Variants in MACROD2 observed in about 807,000 individuals in gnomAD.
MACROD2 encodes the protein mono-ADP ribosylhydrolase 2, also known as ADP-ribose glycohydrolase MACROD2.
Under a neutral mutation model 70.4 loss-of-function variants are expected in MACROD2, and 36 were observed. The ratio of observed to expected loss-of-function variants is 0.51; its 90% CI spans 0.39 to 0.68. The LOEUF is 0.68. Among genes scored for constraint, MACROD2 ranks in the 30% least tolerant of loss-of-function variants. The probability of loss-of-function intolerance (pLI) is 0.00; values close to 1 mark genes in which losing one functional copy is unlikely to be tolerated. For missense variants in MACROD2, 496 were observed against 538.4 expected, an observed-to-expected ratio of 0.92 and a Z score of 0.78; for synonymous variants, 172 against 178.8, an observed-to-expected ratio of 0.96 and a Z score of 0.30.
At chr20:14,218,841 G>T (rs1458694598) in intron 3 of MACROD2, among the ~76,000 whole-genome samples, 1 of 152,172 alleles carries the variant, frequency 6.6e-6, no homozygotes, top group African/African-American at 2.4e-5. Context: ...TGTTTTGTTT[G>T]AGGAGGCTGA....
At chr20:14,049,158 C>T (rs1456532643) in intron 2 of MACROD2, among the ~76,000 whole-genome samples, 1 of 112,806 alleles carries the variant, frequency 8.9e-6, no homozygotes, top group African/African-American at 3.2e-5. Flanking sequence ...TTTGACAGAA[C>T]TAAAAATATA....
At chr20:15,512,022 C>G (rs2047506767) in intron 8 of MACROD2, among the ~76,000 whole-genome samples, 1 of 152,148 alleles carries the variant, frequency 6.6e-6, no homozygotes, top group Non-Finnish European at 1.5e-5. Context: ...ATAAAAACTC[C>G]CATTTGTTCT....
intron 3 of MACROD2, among the ~76,000 whole-genome samples, chr20:14,097,104 G>A (rs967905643): frequency 2.6e-5 from 4 of 152,094 alleles, no homozygotes; most frequent in African/African-American, 7.2e-5. Flanking sequence ...TAATATTATG[G>A]GTAGTAGGTG....
chr20:15,157,349 A>ACCCCC (rs71870874), intron 5 of MACROD2, among the ~76,000 whole-genome samples: 164 of 109,096 alleles, frequency 1.5e-3, no homozygotes, highest in African/African-American at 2.0e-3. Context: ...CTAATTAACC[A>ACCCCC]CCCCCCCCCA....
At chr20:15,758,091 A>T (rs2051375028) in intron 8 of MACROD2, among the ~76,000 whole-genome samples, 1 of 152,214 alleles carries the variant, frequency 6.6e-6, no homozygotes, top group African/African-American at 2.4e-5. Flanking sequence ...TAGGATAGAC[A>T]GTTGCTTTAA....
chr20:14,703,724 A>G (rs554519865), intron 5 of MACROD2, among the ~76,000 whole-genome samples: 1 of 152,124 alleles, frequency 6.6e-6, no homozygotes, highest in East Asian at 1.9e-4. Flanking sequence ...ATTTTGTTTT[A>G]ATTTAATTAC....
At chr20:14,762,901 G>A (rs2072035799) in intron 5 of MACROD2, among the ~76,000 whole-genome samples, 1 of 152,064 alleles carries the variant, frequency 6.6e-6, no homozygotes, top group Admixed American at 6.6e-5. Flanking sequence ...CTGCACTCCA[G>A]CATGGGAGAC....
intron 2 of MACROD2, among the ~76,000 whole-genome samples, chr20:14,029,681 T>C (rs1273480163): frequency 6.6e-6 from 1 of 152,252 alleles, no homozygotes; most frequent in Non-Finnish European, 1.5e-5. Flanking sequence ...AGGTTCTAGA[T>C]ACAAATCACC....
chr20:14,347,120 G>GA (rs910437956), intron 3 of MACROD2, among the ~76,000 whole-genome samples: 1 of 152,200 alleles, frequency 6.6e-6, no homozygotes, highest in South Asian at 2.1e-4. Flanking sequence ...GCAGCTAGAG[G>GA]AAAAGTTTTT....
intron 3 of MACROD2, among the ~76,000 whole-genome samples, chr20:14,229,418 A>T (rs1412752942): frequency 1.3e-5 from 2 of 152,248 alleles, no homozygotes; most frequent in Non-Finnish European, 1.5e-5. Context: ...GAAAGATTTG[A>T]ACAGATACTT....
chr20:14,441,728 A>T (rs1236669185), intron 3 of MACROD2, among the ~76,000 whole-genome samples: 1 of 152,218 alleles, frequency 6.6e-6, no homozygotes, highest in Non-Finnish European at 1.5e-5. Context: ...GTCTGCTGGC[A>T]TATTACCTTT....
chr20:15,063,860 G>A (rs551115462), intron 5 of MACROD2, among the ~76,000 whole-genome samples: 1 of 152,186 alleles, frequency 6.6e-6, no homozygotes, highest in South Asian at 2.1e-4. Flanking sequence ...GCAGAGTAGG[G>A]GAAATTAAAT....
At chr20:14,089,040 T>C (rs565260975) in intron 3 of MACROD2, among the ~76,000 whole-genome samples, 4 of 152,352 alleles carry the variant, frequency 2.6e-5, no homozygotes, top group African/African-American at 9.6e-5. Context: ...AAATGTATAA[T>C]TTTTCATAGC....
intron 3 of MACROD2, among the ~76,000 whole-genome samples, chr20:14,215,010 T>G (rs2081603465): frequency 6.6e-6 from 1 of 150,830 alleles, no homozygotes; most frequent in Non-Finnish European, 1.5e-5. Flanking sequence ...TTATATATAT[T>G]CCATCATATA....
At chr20:14,752,689 C>T (rs2071889324) in intron 5 of MACROD2, among the ~76,000 whole-genome samples, 1 of 152,096 alleles carries the variant, frequency 6.6e-6, no homozygotes, top group Non-Finnish European at 1.5e-5. Context: ...AAATGCCTGA[C>T]AGACCTATAT....
intron 8 of MACROD2, among the ~76,000 whole-genome samples, chr20:15,818,866 C>T (rs1005453391): frequency 2.0e-5 from 3 of 152,120 alleles, no homozygotes; most frequent in African/African-American, 7.2e-5. Context: ...ACCAAGAAGT[C>T]ACGAACTGTG....
chr20:15,060,587 G>A (rs186893734), intron 5 of MACROD2, among the ~76,000 whole-genome samples: 9 of 152,098 alleles, frequency 5.9e-5, no homozygotes, highest in Non-Finnish European at 8.8e-5. Flanking sequence ...TTCCCCCAGC[G>A]CCTTCATTTC....
intron 6 of MACROD2, among the ~76,000 whole-genome samples, chr20:15,244,275 A>G (rs916760758): frequency 3.3e-5 from 5 of 152,188 alleles, no homozygotes; most frequent in African/African-American, 9.7e-5. Flanking sequence ...TTGATGTACT[A>G]TTTTGCTGGT....
At chr20:14,865,917 A>G (rs1349108379) in intron 5 of MACROD2, among the ~76,000 whole-genome samples, 1 of 152,032 alleles carries the variant, frequency 6.6e-6, no homozygotes, top group Non-Finnish European at 1.5e-5. Context: ...TGCAACTTTC[A>G]TTTTCTAAGG....
Sources: allele counts gnomAD v4.1 joint callset (sites outside exome capture counted in the v4.1 genomes callset), GRCh38; gene constraint gnomAD v4.1.1; transcripts MANE v1.5; gene names NCBI Gene and HGNC (gene_info 2026-07-23, HGNC 2026-07-21).